The following GRM8 variants were observed in gnomAD, a reference collection of about 807,000 sequenced individuals.
GRM8 encodes the protein metabotropic glutamate receptor 8.
In GRM8, 47 loss-of-function variants were observed where a neutral mutation model predicts 87.2. That is an observed-to-expected ratio of 0.54 (90% CI 0.43 to 0.69). The LOEUF is 0.69. Ranked by LOEUF, GRM8 falls within the 30% of genes least tolerant of loss-of-function variation. The probability of loss-of-function intolerance (pLI) is 0.00; values close to 1 mark genes in which losing one functional copy is unlikely to be tolerated. For synonymous variants in GRM8, 396 were observed against 404.5 expected, an observed-to-expected ratio of 0.98 and a Z score of 0.25; for missense variants, 1,019 against 1,139.2, an observed-to-expected ratio of 0.89 and a Z score of 1.52.
intron 3 of GRM8, among the ~76,000 whole-genome samples, chr7:127,020,242 G>T (rs570563341): frequency 1.3e-5 from 2 of 152,212 alleles, no homozygotes; most frequent in Admixed American, 1.3e-4. Flanking sequence ...AGAACTTTCA[G>T]CAGTCACTCT....
intron 2 of GRM8, among the ~76,000 whole-genome samples, chr7:127,196,374 C>T (rs1326957279): frequency 3.3e-5 from 5 of 151,932 alleles, no homozygotes; most frequent in Non-Finnish European, 7.4e-5. Flanking sequence ...TAAAAATTAG[C>T]CAGGTGTGGT....
At chr7:126,799,667 C>A (rs752029391) in intron 6 of GRM8, among the ~76,000 whole-genome samples, 1 of 152,108 alleles carries the variant, frequency 6.6e-6, no homozygotes, top group Non-Finnish European at 1.5e-5. Flanking sequence ...GATTCCCCAG[C>A]TGGGGCACTC....
chr7:126,610,276 C>T (rs558244177), intron 7 of GRM8, among the ~76,000 whole-genome samples: 5 of 152,294 alleles, frequency 3.3e-5, no homozygotes, highest in African/African-American at 1.2e-4. Flanking sequence ...TGGATCACCA[C>T]CCCAATGTCT....
chr7:127,039,085 C>T (rs559679838), intron 3 of GRM8, among the ~76,000 whole-genome samples: 1 of 152,270 alleles, frequency 6.6e-6, no homozygotes, highest in South Asian at 2.1e-4. Flanking sequence ...GGCCCACTTC[C>T]TCTAAAAAGT....
At chr7:126,852,382 A>G (rs955723410) in intron 6 of GRM8, among the ~76,000 whole-genome samples, 1 of 152,068 alleles carries the variant, frequency 6.6e-6, no homozygotes, top group Non-Finnish European at 1.5e-5. Flanking sequence ...TATCATTACA[A>G]ACAAACAAAC....
At chr7:127,135,217 T>C (rs1345492322) in intron 2 of GRM8, among the ~76,000 whole-genome samples, 2 of 152,086 alleles carry the variant, frequency 1.3e-5, no homozygotes, top group Non-Finnish European at 1.5e-5. Flanking sequence ...AAAAAATATT[T>C]AACCCATTCA....
At chr7:127,201,178 G>A (rs1437359382) in intron 2 of GRM8, among the ~76,000 whole-genome samples, 6 of 152,184 alleles carry the variant, frequency 3.9e-5, no homozygotes, top group Non-Finnish European at 8.8e-5. Context: ...AGGGAGAAGG[G>A]AAGGAAGCTT....
At chr7:126,943,140 T>C (rs897967180) in intron 3 of GRM8, among the ~76,000 whole-genome samples, 1 of 152,188 alleles carries the variant, frequency 6.6e-6, no homozygotes, top group Non-Finnish European at 1.5e-5. Flanking sequence ...TGTAAGGGAA[T>C]CCTGGACCCC....
chr7:126,508,043 A>G (rs1246180675), intron 9 of GRM8, among the ~76,000 whole-genome samples: 10 of 152,094 alleles, frequency 6.6e-5, no homozygotes, highest in Non-Finnish European at 1.5e-5. Flanking sequence ...AACGTCAACA[A>G]GTGAAGATGT....
At chr7:127,005,648 AC>A (rs1029192944) in intron 3 of GRM8, among the ~76,000 whole-genome samples, 3 of 151,678 alleles carry the variant, frequency 2.0e-5, no homozygotes, top group Middle Eastern at 3.2e-3. Flanking sequence ...AGGTTTAGCA[AC>A]TAGTTCACTG....
intron 7 of GRM8, among the ~76,000 whole-genome samples, chr7:126,661,257 C>T (rs1036433962): frequency 1.3e-5 from 2 of 152,072 alleles, no homozygotes; most frequent in Admixed American, 6.5e-5. Context: ...GCACTGCATG[C>T]CTGTATCAAA....
At chr7:126,535,655 A>C (rs868294184) in intron 8 of GRM8, among the ~76,000 whole-genome samples, 2 of 152,192 alleles carry the variant, frequency 1.3e-5, no homozygotes, top group African/African-American at 2.4e-5. Flanking sequence ...CCATGGAAAG[A>C]GGCTGTAACT....
chr7:127,221,045 C>G (rs1455248155), intron 2 of GRM8, among the ~76,000 whole-genome samples: 1 of 152,194 alleles, frequency 6.6e-6, no homozygotes. Context: ...ACTAGCCATG[C>G]AGCAGTAACT....
At chr7:126,539,160 A>G (rs1816230493) in intron 8 of GRM8, among the ~76,000 whole-genome samples, 1 of 152,046 alleles carries the variant, frequency 6.6e-6, no homozygotes, top group Non-Finnish European at 1.5e-5. Flanking sequence ...ACAATTTAAA[A>G]TAAAATTAAG....
At chr7:127,038,500 A>AG (rs1818054169) in intron 3 of GRM8, among the ~76,000 whole-genome samples, 1 of 12,208 alleles carries the variant, frequency 8.2e-5, no homozygotes, top group Admixed American at 3.3e-4. Flanking sequence ...TTTAAGATCT[A>AG]AAGAACTGTT....
intron 6 of GRM8, among the ~76,000 whole-genome samples, chr7:126,778,054 T>A (rs1212392850): frequency 1.3e-5 from 2 of 152,192 alleles, no homozygotes; most frequent in Non-Finnish European, 2.9e-5. Flanking sequence ...TTCTGCTTTG[T>A]GGATTCTTCA....
intron 9 of GRM8, among the ~76,000 whole-genome samples, chr7:126,521,709 A>C (rs1487576079): frequency 6.6e-6 from 1 of 152,200 alleles, no homozygotes; most frequent in Non-Finnish European, 1.5e-5. Flanking sequence ...GTAAAAATAA[A>C]GATTACTCTA....
chr7:126,481,172 C>T (rs1269905875), intron 9 of GRM8, among the ~76,000 whole-genome samples: 1 of 151,970 alleles, frequency 6.6e-6, no homozygotes, highest in Non-Finnish European at 1.5e-5. Flanking sequence ...GAAAGGAAAG[C>T]TTTTCCCTTA....
intron 9 of GRM8, among the ~76,000 whole-genome samples, chr7:126,521,663 A>T (rs1813002625): frequency 6.6e-6 from 1 of 152,196 alleles, no homozygotes; most frequent in African/African-American, 2.4e-5. Context: ...TAAAGAAAAA[A>T]ATATTTAGTG....
Sources: allele counts gnomAD v4.1 joint callset (sites outside exome capture counted in the v4.1 genomes callset), GRCh38; gene constraint gnomAD v4.1.1; transcripts MANE v1.5; gene names NCBI Gene and HGNC (gene_info 2026-07-23, HGNC 2026-07-21).